HIPK2: variants seen among roughly 807,000 people sequenced by gnomAD.
HIPK2 encodes homeodomain-interacting protein kinase 2.
HIPK2 carries 27 observed loss-of-function variants against 113.7 expected under a neutral mutation model. That is an observed-to-expected ratio of 0.24 (90% confidence interval 0.17 to 0.33). The LOEUF is 0.33. Ranked by LOEUF, HIPK2 falls within the 10% of genes least tolerant of loss-of-function variation. The pLI is 1.00. For missense variants in HIPK2, 1,257 were observed against 1,588.0 expected (o/e 0.79, Z 3.54); for synonymous variants, 631 against 642.2 (o/e 0.98, Z 0.26).
At chr7:139,669,875 A>T (rs918964412) in intron 2 of HIPK2, among the ~76,000 whole-genome samples, 1 of 152,248 alleles carries the variant, frequency 6.6e-6, no homozygotes, top group Non-Finnish European at 1.5e-5. Flanking sequence ...GTCAACACGA[A>T]AGCCAGGCAC....
At chr7:139,686,296 TG>T (rs1180339664) in intron 2 of HIPK2, among the ~76,000 whole-genome samples, 1 of 152,236 alleles carries the variant, frequency 6.6e-6, no homozygotes, top group Non-Finnish European at 1.5e-5. Flanking sequence ...GATGAGGAGT[TG>T]CTTCTTATGA....
At chr7:139,676,752 T>C (rs942659479) in intron 2 of HIPK2, among the ~76,000 whole-genome samples, 3 of 152,152 alleles carry the variant, frequency 2.0e-5, no homozygotes, top group Non-Finnish European at 4.4e-5. Context: ...TTGTACACAG[T>C]AGGTACTCGA....
intron 1 of HIPK2, among the ~76,000 whole-genome samples, chr7:139,720,024 T>C (rs1043845663): frequency 6.6e-6 from 1 of 152,246 alleles, no homozygotes; most frequent in Non-Finnish European, 1.5e-5. Context: ...CATTTACATG[T>C]TGATTCCAAC....
At chr7:139,709,194 G>A (rs1408661497) in intron 2 of HIPK2, among the ~76,000 whole-genome samples, 2 of 152,108 alleles carry the variant, frequency 1.3e-5, no homozygotes, top group Admixed American at 1.3e-4. Context: ...AGTCTCCCTG[G>A]GCAAATGAAG....
chr7:139,768,458 A>C (rs935353328), intron 1 of HIPK2, among the ~76,000 whole-genome samples: 1 of 152,022 alleles, frequency 6.6e-6, no homozygotes, highest in South Asian at 2.1e-4. Context: ...TTTTTTTTTA[A>C]AGCTGCTTAA....
chr7:139,749,519 G>A (rs1204977192), intron 1 of HIPK2, among the ~76,000 whole-genome samples: 1 of 152,208 alleles, frequency 6.6e-6, no homozygotes, highest in Non-Finnish European at 1.5e-5. Flanking sequence ...CAGAGCCTGA[G>A]ATCTACTTCA....
intron 1 of HIPK2, among the ~76,000 whole-genome samples, chr7:139,718,758 C>A (rs1795319420): frequency 6.6e-6 from 1 of 152,118 alleles, no homozygotes; most frequent in African/African-American, 2.4e-5. Context: ...TTTTCTTCTG[C>A]CTTCATGTGC....
chr7:139,657,537 A>G (rs1801714115), intron 2 of HIPK2, among the ~76,000 whole-genome samples: 2 of 152,212 alleles, frequency 1.3e-5, no homozygotes, highest in Non-Finnish European at 2.9e-5. Context: ...ATTCTTGGCC[A>G]TCATCCCCTG....
At chr7:139,673,113 T>C (rs1208960640) in intron 2 of HIPK2, among the ~76,000 whole-genome samples, 1 of 151,738 alleles carries the variant, frequency 6.6e-6, no homozygotes, top group East Asian at 1.9e-4. Context: ...TTTTTTTTTT[T>C]TTTAATGAAA....
At chr7:139,762,529 C>T (rs1280327955) in intron 1 of HIPK2, among the ~76,000 whole-genome samples, 5 of 152,232 alleles carry the variant, frequency 3.3e-5, no homozygotes, top group Admixed American at 3.3e-4. Context: ...GAGTGTCTGT[C>T]TCAGAATCAC....
At position 139,658,328 on chromosome 7, in the gene HIPK2, G is replaced by A. The variant is rs904995511; in HGVS notation, c.1104-26603C>T. ...TCTCAAAAAAAAAAAAAAAATGAACGGGGAAAAGGCAAACAGAGTGTTGAC... is the reference window on the plus strand; with the variant it reads ...TCTCAAAAAAAAAAAAAAAATGAACAGGGAAAAGGCAAACAGAGTGTTGAC... On this transcript the variant is annotated intron_variant, in intron 2 of 14. Transcript: ENST00000406875. Among the ~76,000 whole-genome samples the A allele has an allele frequency of 7.3e-5, 11 of 151,574 alleles. No individual in the cohort carries two copies. The South Asian group carries it at 8.3e-4, about 11-fold the overall frequency.
rs141229303 is a variant in HIPK2, at chr7:139,682,533, C to T, written c.1103+33399G>A. ...CATCCCTCCCGCTGCGTGCCTGTGC[C>T]CTCCTCTGGGTCCCTGTGGTGGGTG... On this transcript the variant is annotated intron_variant, in intron 2 of 14. Coordinates refer to ENST00000406875, the MANE Select transcript of HIPK2 (RefSeq NM_022740.5). 2.7e-3 allele frequency among the ~76,000 whole-genome samples: 415 copies of T among 152,272 alleles called. 4 individuals carry two copies. In the East Asian group the frequency reaches 0.035, roughly 13 times the overall value.
In HIPK2 at chr7:139,571,341, T is replaced by G. The variant is rs1569438862; in HGVS notation, c.*1586A>C. 6.6e-6 allele frequency: 1 copy of G among 152,284 alleles called. No homozygotes were observed. The highest frequency in any genetic ancestry group is 2.4e-5 in the African/African-American group (1 of 41,448). The allele number at this position is 152,284 out of a possible 1,614,324, so 9.4% of individuals were successfully genotyped here. A position where few individuals can be genotyped will look rare whatever the true frequency, so the allele number is the denominator to read the frequency against. On this transcript the variant is annotated 3_prime_UTR_variant, in exon 15 of 15. Transcript: ENST00000406875. ...GCGGGAGGGACTGGGGGATGCCGCC[T>G]GGGGCGGGAGACGGCTGCCTGGCGA... is the stretch of plus-strand genomic sequence containing the variant.
rs992082881 is a variant in HIPK2, at chr7:139,569,330, A to G, written c.*3597T>C. On this transcript the variant is annotated 3_prime_UTR_variant, in exon 15 of 15. Coordinates refer to ENST00000406875, the MANE Select transcript of HIPK2 (RefSeq NM_022740.5). ...GGAGGGGGCAAATGTCCCTGCATTG[A>G]AGAACCTAAGCCACGCCCCAGGTGC... 3.3e-5 allele frequency: 5 copies of G among 152,242 alleles called. No individual in the cohort carries two copies. The highest frequency in any genetic ancestry group is 6.5e-5 in the Admixed American group (1 of 15,282). 9.4% of individuals were successfully genotyped at this position (152,242 alleles called of 1,614,324 possible). A position where few individuals can be genotyped will look rare whatever the true frequency, so the allele number is the denominator to read the frequency against.
chr7:139,753,941 A>C (rs1796322845), intron 1 of HIPK2, among the ~76,000 whole-genome samples: 1 of 152,268 alleles, frequency 6.6e-6, no homozygotes, highest in South Asian at 2.1e-4. Context: ...CACTTTTCCT[A>C]GACTAAAGGT....
intron 14 of HIPK2, among the ~76,000 whole-genome samples, chr7:139,573,831 G>A (rs1195609562): frequency 2.7e-5 from 4 of 150,208 alleles, no homozygotes; most frequent in Non-Finnish European, 5.9e-5. Context: ...CTGGGTGACA[G>A]AGTGAAACTC....
At chr7:139,689,438 T>TG (rs1794332499) in intron 2 of HIPK2, among the ~76,000 whole-genome samples, 1 of 152,224 alleles carries the variant, frequency 6.6e-6, no homozygotes, top group Admixed American at 6.5e-5. Context: ...CTATCCAATT[T>TG]GGAATGAAAA....
chr7:139,647,922 G>A (rs528579630), intron 2 of HIPK2, among the ~76,000 whole-genome samples: 3 of 152,372 alleles, frequency 2.0e-5, no homozygotes, highest in East Asian at 1.9e-4. Flanking sequence ...AGTGTCAGCT[G>A]TGTAAGTAGG....
rs766885602 is a variant in HIPK2, at chr7:139,631,665, G to C, written c.1164C>G (p.Gly388=). The C allele has an allele frequency of 1.9e-6, 3 of 1,614,020 alleles. No homozygotes were observed. In the South Asian group the frequency reaches 3.3e-5, roughly 18 times the overall value. The change falls in exon 3 of 15, where the codon GGC becomes GGG. Residue 388 remains glycine, a synonymous_variant. Coordinates refer to ENST00000406875, the MANE Select transcript of HIPK2 (RefSeq NM_022740.5). This position sits in a 1 kb window ranked among gnomAD's most constrained non-coding sequence, Gnocchi z 4.9. ...CCAGGAACAATTCTGCAATAACACA[G>C]CCCAGGGACCACATGTCAATTGCCT... The part of the protein sequence containing the change: ...FCEAIDMWSL[G]CVIAELFLGW...
Sources: allele counts gnomAD v4.1 joint callset (sites outside exome capture counted in the v4.1 genomes callset), GRCh38; gene constraint gnomAD v4.1.1; non-coding constraint Gnocchi (gnomAD v3.1); transcripts MANE v1.5; gene names NCBI Gene and HGNC (gene_info 2026-07-23, HGNC 2026-07-21).